ATP4A: variants seen among roughly 807,000 people sequenced by gnomAD.
ATP4A encodes the protein potassium-transporting ATPase alpha chain 1.
ATP4A carries 73 observed loss-of-function variants against 112.1 expected under a neutral mutation model. The observed-to-expected ratio is 0.65, with a 90% confidence interval of 0.54 to 0.79. The LOEUF is 0.79. Ranked by LOEUF, ATP4A falls within the 30% of genes least tolerant of loss-of-function variation. The probability of loss-of-function intolerance (pLI) is 0.00; values close to 1 mark genes in which losing one functional copy is unlikely to be tolerated. For synonymous variants in ATP4A, 588 were observed against 588.9 expected (o/e 1.00, Z 0.02); for missense variants, 1,081 against 1,425.9 (o/e 0.76, Z 3.90).
In ATP4A at chr19:35,560,287, CCT is replaced by C. The variant is rs1234672042; in HGVS notation, c.787+74_787+75del. ...GAGAGAGACAGGGAGGCTGAAGCCC[CCT>C]GTCCTAGAAGATAGCAGGAGAGAGG... is the stretch of plus-strand genomic sequence containing the variant. On this transcript the variant is annotated intron_variant, in intron 6 of 21. Transcript: ENST00000262623. This position sits in a 1 kb window ranked among gnomAD's most constrained non-coding sequence, Gnocchi z 5.1. 1 of 1,587,864 alleles carries C rather than the reference CCT, an allele frequency of 6.3e-7. No homozygotes were observed. Among genetic ancestry groups the C allele is most frequent in the Non-Finnish European group, 8.6e-7 (1 of 1,165,920 alleles).
chr19:35,562,453 G>A lies in ATP4A; in HGVS notation c.402C>T (p.Asp134=), dbSNP rs2146312791. 1 of 1,613,952 alleles carries A rather than the reference G, an allele frequency of 6.2e-7. No homozygotes were observed. Among genetic ancestry groups the A allele is most frequent in the Admixed American group, 1.7e-5 (1 of 60,012 alleles). The stretch of plus-strand genomic sequence containing the variant: ...GGCTCACATTGTCGTCGGTGGTGAG[G>A]TCCCCCTCACTAGCCTGGATGGCAA... ...IAFAIQASEG[D]LTTDDNLYLA... is the part of the protein sequence containing the mutation. The change falls in exon 4 of 22, where the codon GAC becomes GAT. Residue 134 remains aspartate, a synonymous_variant. Transcript: ENST00000262623.
At position 35,551,438 on chromosome 19, in the gene ATP4A, C is replaced by T. The variant is rs781520405; in HGVS notation, c.2885+9G>A. ...GTTGGAGGGCAGGAAGAGGGCCAGC[C>T]AGGGACACCTGAAGAAGCCTTGCTG... On this transcript the variant is annotated intron_variant, in intron 19 of 21. Transcript: ENST00000262623. The surrounding 1 kb of genome is among the most constrained non-coding windows in gnomAD (Gnocchi z 5.2). 3 of 1,614,000 alleles carry T rather than the reference C, an allele frequency of 1.9e-6. No individual in the cohort carries two copies. Among genetic ancestry groups the T allele is most frequent in the Non-Finnish European group, 2.5e-6 (3 of 1,180,016 alleles).
Position 35,560,002 on chromosome 19 carries a change from C to T in ATP4A, c.859G>A (p.Gly287Arg), listed in dbSNP as rs369405068. The change falls in exon 7 of 22, where the codon GGG (glycine) becomes AGG (arginine). Residue 287 changes from glycine (G) to arginine (R), a missense_variant. Gly to Arg is a moderately radical substitution (Grantham distance 125). This residue lies in a region of ATP4A where 850 missense variants were observed against 1,068.2 expected (regional missense o/e 0.80). Transcript: ENST00000262623. This position sits in a 1 kb window ranked among gnomAD's most constrained non-coding sequence, Gnocchi z 5.1. ...ATGGGTGTCTTCTCGTTTTCCACCC[C>T]CGACGCCAGCGATGCGATGCGCCCA... ...IIGRIASLASGVENEKTPIAI... is the reference protein window; with the variant it reads ...IIGRIASLASRVENEKTPIAI... 2.4e-5 allele frequency: 39 copies of T among 1,614,118 alleles called. No homozygotes were observed. Among genetic ancestry groups the T allele is most frequent in the Non-Finnish European group, 3.3e-5 (39 of 1,180,046 alleles).
At chr19:35,552,933 G>A in intron 18 of ATP4A, 104 bp downstream of exon 18, 1 of 1,419,424 alleles carries the variant, frequency 7.0e-7, no homozygotes. Context: ...GGGATGCTCT[G>A]GCTGAACTCA....
In ATP4A at chr19:35,550,482, G is replaced by C. The variant is rs1296188222; in HGVS notation, c.*133C>G. 2 of 1,231,324 alleles carry C rather than the reference G, an allele frequency of 1.6e-6. No individual in the cohort carries two copies. The highest frequency in any genetic ancestry group is 2.2e-5 in the Admixed American group (1 of 46,354). 76.3% of individuals were successfully genotyped at this position (1,231,324 alleles called of 1,614,324 possible). On this transcript the variant is annotated 3_prime_UTR_variant, in exon 22 of 22. Coordinates refer to ENST00000262623, the MANE Select transcript of ATP4A (RefSeq NM_000704.3). The surrounding 1 kb of genome is among the most constrained non-coding windows in gnomAD (Gnocchi z 4.1). ...TCCCTCCAAGTTTGGGGTGCCGTGGGCTACAGAAGCAGATACTGGTGGGGC... is the reference window on the plus strand; with the variant it reads ...TCCCTCCAAGTTTGGGGTGCCGTGGCCTACAGAAGCAGATACTGGTGGGGC...
At position 35,551,123 on chromosome 19, in the gene ATP4A, C is replaced by A. The variant is rs1238297031; in HGVS notation, c.2886-12G>T. 4 of 1,593,144 alleles carry A rather than the reference C, an allele frequency of 2.5e-6. No homozygotes were observed. Among genetic ancestry groups the A allele is most frequent in the Middle Eastern group, 1.7e-4 (1 of 6,034 alleles). On this transcript the variant is annotated splice_polypyrimidine_tract_variant and intron_variant, in intron 19 of 21. Transcript: ENST00000262623. This position sits in a 1 kb window ranked among gnomAD's most constrained non-coding sequence, Gnocchi z 5.2. Reference sequence around the variant, plus strand: ...CCAGGATCTTATTCCTGGGGGTGGGCAGAATGGGACAGGCCATTAGGAATT... The same window carrying A: ...CCAGGATCTTATTCCTGGGGGTGGGAAGAATGGGACAGGCCATTAGGAATT...
Position 35,560,818 on chromosome 19 carries a change from C to T in ATP4A, c.534+1G>A. The stretch of plus-strand genomic sequence containing the variant: ...GAGTGGCTGGGTGCTGGGGAACCCA[C>T]CTGTGGCACAAGGTTCTTAAAGCTG... On this transcript the variant is annotated splice_donor_variant, in intron 5 of 21. Coordinates refer to ENST00000262623, the MANE Select transcript of ATP4A (RefSeq NM_000704.3). LOFTEE classifies it high-confidence loss of function. The surrounding 1 kb of genome is among the most constrained non-coding windows in gnomAD (Gnocchi z 5.1). The T allele has an allele frequency of 6.2e-7, 1 of 1,613,812 alleles. No individual in the cohort carries two copies. The highest frequency in any genetic ancestry group is 8.5e-7 in the Non-Finnish European group (1 of 1,179,798).
In ATP4A at chr19:35,550,639, C is replaced by T; in HGVS notation, c.3084G>A (p.Trp1028Ter). The change falls in exon 22 of 22, where the codon TGG (tryptophan) becomes TGA (stop). Residue 1028 changes from tryptophan to a stop codon, truncating the protein, a stop_gained. Transcript: ENST00000262623. LOFTEE classifies it high-confidence loss of function. This position sits in a 1 kb window ranked among gnomAD's most constrained non-coding sequence, Gnocchi z 4.1. The part of the protein sequence containing the change: ...KLGVRCCPGS[W>*]WDQELYY ...TCTAATAGTAGAGTTCCTGGTCCCACCAGCCTGGGAGAGAGAGGGAGAAAG... is the reference window on the plus strand; with the variant it reads ...TCTAATAGTAGAGTTCCTGGTCCCATCAGCCTGGGAGAGAGAGGGAGAAAG... The T allele has an allele frequency of 1.2e-6, 2 of 1,613,856 alleles. No homozygotes were observed. The highest frequency in any genetic ancestry group is 1.7e-6 in the Non-Finnish European group (2 of 1,179,848).
In ATP4A at chr19:35,563,609, C is replaced by T. The variant is rs200553317; in HGVS notation, c.12+9G>A. 2 of 1,614,050 alleles carry T rather than the reference C, an allele frequency of 1.2e-6. No individual in the cohort carries two copies. Among genetic ancestry groups the T allele is most frequent in the Non-Finnish European group, 1.7e-6 (2 of 1,180,002 alleles). On this transcript the variant is annotated intron_variant, in intron 1 of 21. Coordinates refer to ENST00000262623, the MANE Select transcript of ATP4A (RefSeq NM_000704.3). ...CCCACTGCACCCCGGACCCCTGGGC[C>T]CCACTCACGGCCTTCCCCATGGTGC...
rs1317350964 is a variant in ATP4A at position 35,551,667 on chromosome 19, A to T, written c.2752-87T>A. The T allele has an allele frequency of 6.6e-6, 10 of 1,523,462 alleles. No individual in the cohort carries two copies. The allele number at this position is 1,523,462 out of a possible 1,614,324, so 94.4% of individuals were successfully genotyped here. ...TGCAGCCCACCGGGCATAGGGTCCCAGGGCCGTGAACCCCTAAATGCTCTC... is the reference window on the plus strand; with the variant it reads ...TGCAGCCCACCGGGCATAGGGTCCCTGGGCCGTGAACCCCTAAATGCTCTC... On this transcript the variant is annotated intron_variant, in intron 18 of 21. Coordinates refer to ENST00000262623, the MANE Select transcript of ATP4A (RefSeq NM_000704.3). This position sits in a 1 kb window ranked among gnomAD's most constrained non-coding sequence, Gnocchi z 5.2.
Position 35,557,424 on chromosome 19 carries a change from G to A in ATP4A, c.1693+231C>T, listed in dbSNP as rs1242578836. ...TCAGGACAAAAATTGGGAGAGGTTA[G>A]AGGTCAGGATACGGATAAAAGTCCA... On this transcript the variant is annotated intron_variant, in intron 11 of 21. Transcript: ENST00000262623. The surrounding 1 kb of genome is among the most constrained non-coding windows in gnomAD (Gnocchi z 4.4). Among the ~76,000 whole-genome samples the A allele has an allele frequency of 3.3e-5, 5 of 152,236 alleles. No homozygotes were observed. The highest frequency in any genetic ancestry group is 7.3e-5 in the Non-Finnish European group (5 of 68,046).
Position 35,553,739 on chromosome 19 carries a change from CGTT to C in ATP4A, c.2569_2571del (p.Asn857del). 1.2e-6 allele frequency: 2 copies of C among 1,613,574 alleles called. No individual in the cohort carries two copies. Among genetic ancestry groups the C allele is most frequent in the Non-Finnish European group, 1.7e-6 (2 of 1,179,848 alleles). On this transcript the variant is annotated inframe_deletion, in exon 17 of 22. Coordinates refer to ENST00000262623, the MANE Select transcript of ATP4A (RefSeq NM_000704.3). ...AAGTAGGAGTAGGCAGCCAGGGGCT[CGTT>C]GACCAATCTGTCACGCTTTGGGTTG...
chr19:35,563,110 C>G, intron 3 of ATP4A, 99 bp downstream of exon 3: 3 of 1,318,340 alleles, frequency 2.3e-6, no homozygotes, highest in Non-Finnish European at 3.2e-6. Context: ...CTCTCTTCAT[C>G]TCTCCCTCTC....
rs2071609130 is a variant in ATP4A at position 35,552,884 on chromosome 19, G to A, written c.2751+153C>T. Among the ~76,000 whole-genome samples, 9 of 140,894 alleles carry A rather than the reference G, an allele frequency of 6.4e-5. No individual in the cohort carries two copies. The South Asian group carries it at 2.1e-3, about 33-fold the overall frequency. 92.4% of individuals were successfully genotyped at this position (140,894 alleles called of 152,430 possible). A position where few individuals can be genotyped will look rare whatever the true frequency, so the allele number is the denominator to read the frequency against. ...TTTGGAGCTGGAGATGGTGGGAAAGGCCCTTGCCCCCCCGAACTGGCAGGG... is the reference window on the plus strand; with the variant it reads ...TTTGGAGCTGGAGATGGTGGGAAAGACCCTTGCCCCCCCGAACTGGCAGGG... On this transcript the variant is annotated intron_variant, in intron 18 of 21. Coordinates refer to ENST00000262623, the MANE Select transcript of ATP4A (RefSeq NM_000704.3).
chr19:35,552,969 C>G, intron 18 of ATP4A, 68 bp downstream of exon 18: 3 of 1,511,096 alleles, frequency 2.0e-6, no homozygotes, highest in Admixed American at 3.8e-5. Flanking sequence ...ACAAGTGGGC[C>G]GCACACAAGG....
At chr19:35,562,664 G>A (rs760047734) in intron 3 of ATP4A, 26 bp from the exon 4 acceptor site, 32 of 1,554,144 alleles carry the variant, frequency 2.1e-5, no homozygotes, top group East Asian at 4.7e-5. Flanking sequence ...AGGGCGAGGC[G>A]GTCCTGGGGG....
intron 16 of ATP4A, among the ~76,000 whole-genome samples, chr19:35,554,142 C>G (rs184372856): frequency 3.9e-5 from 6 of 152,194 alleles, no homozygotes; most frequent in Non-Finnish European, 2.9e-5. Context: ...ACTGTATCTG[C>G]TCTTGTGTAT....
At chr19:35,554,884 G>C (rs1172972207) in intron 16 of ATP4A, 38 bp downstream of exon 16, 1 of 1,613,072 alleles carries the variant, frequency 6.2e-7, no homozygotes, top group Non-Finnish European at 8.5e-7. Flanking sequence ...AGTGTCTCTG[G>C]GCACCCTGTG....
Position 35,558,671 on chromosome 19 carries a change from T to C in ATP4A, c.1271A>G (p.Gln424Arg), listed in dbSNP as rs2071648470. The C allele has an allele frequency of 6.2e-7, 1 of 1,600,598 alleles. No homozygotes were observed. The highest frequency in any genetic ancestry group is 8.5e-7 in the Non-Finnish European group (1 of 1,175,678). ...CAGCGCCCGCCACGTCTCCGAGGAC[T>C]GGTCAAACGTCTGCCCTGCAGACCA... ...TEDQSGQTFD[Q>R]SSETWRALCR... Residue 424 changes from glutamine (Q) to arginine (R), a missense_variant, in exon 9 of 22, where the codon CAG becomes CGG. By Grantham distance (43) the Gln-to-Arg change is conservative (BLOSUM62 1). Transcript: ENST00000262623. This position sits in a 1 kb window ranked among gnomAD's most constrained non-coding sequence, Gnocchi z 5.1.
Sources: allele counts gnomAD v4.1 joint callset (sites outside exome capture counted in the v4.1 genomes callset), GRCh38; gene constraint gnomAD v4.1.1; regional missense constraint gnomAD v4.1.1; non-coding constraint Gnocchi (gnomAD v3.1); transcripts MANE v1.5; gene names NCBI Gene and HGNC (gene_info 2026-07-23, HGNC 2026-07-21).